The following OSMR variants were observed in gnomAD, a reference collection of about 807,000 sequenced individuals.
OSMR encodes oncostatin-M-specific receptor subunit beta.
A neutral mutation model predicts 99.9 loss-of-function variants in OSMR; 81 were observed. The observed-to-expected ratio is 0.81, with a 90% CI of 0.68 to 0.97. The LOEUF (loss-of-function observed/expected upper bound fraction) is 0.97. OSMR is among the 50% of genes least tolerant of loss of function. OSMR has a pLI of 0.00. For synonymous variants in OSMR, 406 were observed against 410.4 expected, an observed-to-expected ratio of 0.99 and a Z score of 0.13; for missense variants, 1,099 against 1,153.4, an observed-to-expected ratio of 0.95 and a Z score of 0.68.
chr5:38,858,559 C>T (rs1741039327), intron 1 of OSMR, among the ~76,000 whole-genome samples: 1 of 152,180 alleles, frequency 6.6e-6, no homozygotes, highest in Non-Finnish European at 1.5e-5. Context: ...GTGAATAGCG[C>T]TGCAACAAAC....
Position 38,923,446 on chromosome 5 carries a change from GTCTC to G in OSMR, c.1870+198_1870+201del, listed in dbSNP as rs906723884. Among the ~76,000 whole-genome samples the G allele has an allele frequency of 4.5e-4, 69 of 152,212 alleles. No homozygotes were observed. In the Middle Eastern group the frequency reaches 0.014, roughly 30 times the overall value. On this transcript the variant is annotated intron_variant, in intron 13 of 17. Coordinates refer to ENST00000274276, the MANE Select transcript of OSMR (RefSeq NM_003999.3). ...CATTTTCATTAATTCTCATTGCTAA[GTCTC>G]TCTCTTTCTTCCTTTTTTCAGTCTC...
chr5:38,874,041 A>T (rs780823604), intron 2 of OSMR, among the ~76,000 whole-genome samples: 1 of 149,698 alleles, frequency 6.7e-6, no homozygotes, highest in Non-Finnish European at 1.5e-5. Flanking sequence ...CATGTTGCCG[A>T]CTCTTTTGCC....
chr5:38,898,344 C>T (rs372536067), intron 7 of OSMR, among the ~76,000 whole-genome samples: 5 of 152,108 alleles, frequency 3.3e-5, no homozygotes, highest in Admixed American at 6.5e-5. Flanking sequence ...TTTATAATTA[C>T]GTAATGACCT....
At chr5:38,854,783 G>A (rs1279380186) in intron 1 of OSMR, among the ~76,000 whole-genome samples, 5 of 152,162 alleles carry the variant, frequency 3.3e-5, no homozygotes, top group African/African-American at 4.8e-5. Flanking sequence ...TAGTCTAGTT[G>A]GGAATAATGG....
chr5:38,882,659 G>A (rs941836713), intron 4 of OSMR, among the ~76,000 whole-genome samples: 3 of 152,118 alleles, frequency 2.0e-5, no homozygotes, highest in Non-Finnish European at 2.9e-5. Flanking sequence ...GGGAAGGGGG[G>A]TGGAATATGG....
At chr5:38,883,681 A>G (rs1018714861) in intron 4 of OSMR, 146 bp from the exon 5 acceptor site, 6 of 1,525,168 alleles carry the variant, frequency 3.9e-6, no homozygotes, top group African/African-American at 1.4e-5. Flanking sequence ...ACCAGAGGGT[A>G]GAGGTTTGGC....
At chr5:38,915,792 G>A (rs1199700063) in intron 9 of OSMR, among the ~76,000 whole-genome samples, 2 of 152,194 alleles carry the variant, frequency 1.3e-5, no homozygotes, top group Non-Finnish European at 2.9e-5. Flanking sequence ...TCAGAAAGCT[G>A]AAGCAGCACG....
At chr5:38,847,518 T>C (rs144888221) in intron 1 of OSMR, among the ~76,000 whole-genome samples, 2 of 152,222 alleles carry the variant, frequency 1.3e-5, no homozygotes, top group East Asian at 1.9e-4. Context: ...GGTGTTTCAT[T>C]ATGGTCTTGC....
intron 6 of OSMR, among the ~76,000 whole-genome samples, chr5:38,885,718 A>C (rs1027778336): frequency 1.3e-5 from 2 of 152,344 alleles, no homozygotes; most frequent in African/African-American, 4.8e-5. Flanking sequence ...GTTAATGTAT[A>C]CCTTGACGTG....
intron 4 of OSMR, 144 bp downstream of exon 4, chr5:38,881,908 A>G (rs1743320418): frequency 2.8e-6 from 2 of 713,696 alleles, no homozygotes; most frequent in Non-Finnish European, 4.7e-6. Context: ...GAACTAAAAA[A>G]CACAGGTGTG....
chr5:38,850,987 T>C (rs758455588), intron 1 of OSMR, among the ~76,000 whole-genome samples: 2 of 152,130 alleles, frequency 1.3e-5, no homozygotes, highest in Admixed American at 6.5e-5. Flanking sequence ...ACCTAAGAGG[T>C]TACATTTTCT....
intron 9 of OSMR, among the ~76,000 whole-genome samples, chr5:38,914,304 C>T (rs1040488684): frequency 1.3e-5 from 2 of 152,170 alleles, no homozygotes; most frequent in Non-Finnish European, 2.9e-5. Context: ...CGTCTCTGTG[C>T]ATCTATTGCC....
rs1741136796 is a variant in OSMR, at chr5:38,859,833, G to A, written c.-13-9199G>A. Reference sequence around the variant, plus strand: ...GTTCAATTTATTTTTAGGTTTTTTGGTGTAGTTATTGTAAATGGGATTGCT... The same window carrying A: ...GTTCAATTTATTTTTAGGTTTTTTGATGTAGTTATTGTAAATGGGATTGCT... On this transcript the variant is annotated intron_variant, in intron 1 of 17. Transcript: ENST00000274276. Among the ~76,000 whole-genome samples, 3 of 151,920 alleles carry A rather than the reference G, an allele frequency of 2.0e-5. 1 individual carries two copies. The highest frequency in any genetic ancestry group is 1.3e-4 in the Admixed American group (2 of 15,268).
intron 7 of OSMR, among the ~76,000 whole-genome samples, chr5:38,897,806 G>T (rs892054436): frequency 6.6e-6 from 1 of 151,988 alleles, no homozygotes; most frequent in African/African-American, 2.4e-5. Flanking sequence ...ATAGGTTTTG[G>T]TGCATTGTGT....
At chr5:38,904,618 G>A (rs536741471) in intron 9 of OSMR, 115 bp downstream of exon 9, 51 of 1,284,898 alleles carry the variant, frequency 4.0e-5, no homozygotes, top group Middle Eastern at 2.2e-4. Flanking sequence ...AAACAGAGGC[G>A]GGGTAGCATT....
At chr5:38,900,561 G>A (rs1009887945) in intron 7 of OSMR, among the ~76,000 whole-genome samples, 7 of 152,154 alleles carry the variant, frequency 4.6e-5, no homozygotes, top group African/African-American at 1.7e-4. Context: ...AAAAGAAAAT[G>A]ATATATATTC....
chr5:38,862,444 C>T (rs536707047), intron 1 of OSMR, among the ~76,000 whole-genome samples: 14 of 148,222 alleles, frequency 9.4e-5, no homozygotes, highest in East Asian at 2.1e-4. Flanking sequence ...CCCTCCCGGA[C>T]GGGTGGCTGC....
chr5:38,868,992 A>T (rs191007510), intron 1 of OSMR, 40 bp from the exon 2 acceptor site: 43 of 1,604,490 alleles, frequency 2.7e-5, no homozygotes, highest in Non-Finnish European at 3.5e-5. Context: ...AGTATTGAAA[A>T]TTAAATAAAA....
intron 5 of OSMR, 47 bp downstream of exon 5, chr5:38,884,158 A>G: frequency 7.6e-7 from 1 of 1,310,148 alleles, no homozygotes. Context: ...TTTCCTGAGG[A>G]ATAGATTAAA....
Sources: gnomAD v4.1 joint callset for allele counts (sites outside exome capture counted in the v4.1 genomes callset) on GRCh38, gnomAD v4.1.1 for gene constraint, MANE v1.5 for transcripts, NCBI Gene and HGNC (gene_info 2026-07-23, HGNC 2026-07-21) for gene names.